The following KIF26B variants were observed in gnomAD, a reference collection of about 807,000 sequenced individuals.
KIF26B encodes the protein kinesin-like protein KIF26B.
In KIF26B, 63 loss-of-function variants were observed where a neutral mutation model predicts 151.2. That is an observed-to-expected ratio of 0.42 (90% CI 0.34 to 0.51). KIF26B has a LOEUF of 0.51. KIF26B is among the 20% of genes least tolerant of loss of function. KIF26B has a pLI of 0.07. For missense variants in KIF26B, 2,813 were observed against 2,913.6 expected, an observed-to-expected ratio of 0.97 and a Z score of 0.79; for synonymous variants, 1,357 against 1,262.1, an observed-to-expected ratio of 1.08 and a Z score of -1.59.
At chr1:245,662,479 C>CAT (rs1302429807) in intron 10 of KIF26B, among the ~76,000 whole-genome samples, 4,143 of 85,444 alleles carry the variant, frequency 0.048, 207 homozygotes, top group African/African-American at 0.16. Flanking sequence ...CATATATACA[C>CAT]ACACCCAATA....
chr1:245,687,834 T>C lies in KIF26B; in HGVS notation c.4851T>C (p.Ser1617=). 1 of 1,596,166 alleles carries C rather than the reference T, an allele frequency of 6.3e-7. No homozygotes were observed. The change falls in exon 12 of 15, where the codon AGT becomes AGC. Residue 1617 remains serine (S), a synonymous_variant. Coordinates refer to ENST00000407071, the MANE Select transcript of KIF26B (RefSeq NM_018012.4). The surrounding 1 kb of genome is among the most constrained non-coding windows in gnomAD (Gnocchi z 4.9). ...DQKNRASPQH[S]ASGSGTSSPL... is the part of the protein sequence containing the mutation. ...AGAACCGGGCCAGCCCTCAGCACAG[T>C]GCCAGCGGCAGCGGCACCAGCAGCC...
intron 10 of KIF26B, among the ~76,000 whole-genome samples, chr1:245,664,166 C>T (rs777473773): frequency 1.3e-5 from 2 of 151,802 alleles, no homozygotes; most frequent in South Asian, 2.1e-4. Flanking sequence ...GTCGGGAGTT[C>T]AAGACCAGCC....
intron 3 of KIF26B, among the ~76,000 whole-genome samples, chr1:245,374,708 G>T (rs559269904): frequency 6.6e-6 from 1 of 152,100 alleles, no homozygotes; most frequent in African/African-American, 2.4e-5. Context: ...GTTTATAGGC[G>T]GTCAAAGGGA....
chr1:245,701,410 CT>C (rs1397438509), intron 14 of KIF26B, among the ~76,000 whole-genome samples: 2 of 152,072 alleles, frequency 1.3e-5, no homozygotes, highest in Non-Finnish European at 2.9e-5. Context: ...TCTCCTTTTG[CT>C]TTTTTGTTTT....
intron 2 of KIF26B, among the ~76,000 whole-genome samples, chr1:245,212,207 A>C (rs778638429): frequency 5.9e-5 from 9 of 152,166 alleles, no homozygotes; most frequent in Non-Finnish European, 1.2e-4. Flanking sequence ...GCAATTTCCC[A>C]TAATTCCACT....
intron 2 of KIF26B, among the ~76,000 whole-genome samples, chr1:245,307,476 A>T (rs1671578574): frequency 6.6e-6 from 1 of 152,160 alleles, no homozygotes; most frequent in Non-Finnish European, 1.5e-5. Flanking sequence ...CATTTTCTCT[A>T]GAAATCTTTG....
chr1:245,568,298 T>G (rs991343237), intron 5 of KIF26B, among the ~76,000 whole-genome samples: 2 of 151,452 alleles, frequency 1.3e-5, no homozygotes, highest in African/African-American at 4.9e-5. Context: ...GCAGGATCAC[T>G]TGAGCTCAGG....
rs1409286612 is a variant in KIF26B at position 245,702,107 on chromosome 1, A to AATT, written c.6179-347_6179-345dup. ...GAGGGACTCTCCCCACCTCAACTTG[A>AATT]ATTATTTACTTGATTGATTGATAGT... On this transcript the variant is annotated intron_variant, in intron 14 of 14. Coordinates refer to ENST00000407071, the MANE Select transcript of KIF26B (RefSeq NM_018012.4). This position sits in a 1 kb window ranked among gnomAD's most constrained non-coding sequence, Gnocchi z 4.1. 6.3e-4 allele frequency among the ~76,000 whole-genome samples: 12 copies of AATT among 19,184 alleles called. No individual in the cohort carries two copies. The East Asian group carries it at 0.032, about 50-fold the overall frequency. The allele number at this position is 19,184 out of a possible 152,430, so 12.6% of individuals were successfully genotyped here.
intron 10 of KIF26B, among the ~76,000 whole-genome samples, chr1:245,647,436 A>AG (rs1204347500): frequency 2.7e-5 from 4 of 146,926 alleles, no homozygotes; most frequent in Non-Finnish European, 4.5e-5. Flanking sequence ...AAAAAAAAAA[A>AG]AAAAAAAGAA....
intron 2 of KIF26B, among the ~76,000 whole-genome samples, chr1:245,215,030 T>G (rs1669616899): frequency 6.6e-6 from 1 of 151,960 alleles, no homozygotes; most frequent in Admixed American, 6.6e-5. Context: ...ACGGGTAGGA[T>G]TATCTACTTT....
chr1:245,484,574 G>C (rs1466798611), intron 4 of KIF26B, among the ~76,000 whole-genome samples: 1 of 151,754 alleles, frequency 6.6e-6, no homozygotes, highest in African/African-American at 2.4e-5. Context: ...AACTGCTAAA[G>C]GAATTTTGCA....
At chr1:245,459,811 G>C (rs538992935) in intron 4 of KIF26B, among the ~76,000 whole-genome samples, 13 of 152,208 alleles carry the variant, frequency 8.5e-5, no homozygotes, top group South Asian at 2.1e-4. Flanking sequence ...GCACAGAAAA[G>C]GATGAAAGTC....
chr1:245,284,086 A>G (rs1671119781), intron 2 of KIF26B, among the ~76,000 whole-genome samples: 1 of 152,186 alleles, frequency 6.6e-6, no homozygotes, highest in African/African-American at 2.4e-5. Flanking sequence ...ACTGTGCTGA[A>G]TTTAGTATCA....
intron 2 of KIF26B, among the ~76,000 whole-genome samples, chr1:245,286,639 G>A (rs1256072748): frequency 2.0e-5 from 3 of 152,062 alleles, no homozygotes; most frequent in Non-Finnish European, 4.4e-5. Context: ...AAAACAATGG[G>A]ATACAAACTT....
intron 10 of KIF26B, among the ~76,000 whole-genome samples, chr1:245,664,455 T>A (rs2044191973): frequency 6.6e-6 from 1 of 151,916 alleles, no homozygotes; most frequent in African/African-American, 2.4e-5. Flanking sequence ...TTTTTTTTTC[T>A]CCTGTTACAC....
chr1:245,211,952 C>T (rs111309875), intron 2 of KIF26B, among the ~76,000 whole-genome samples: 3,455 of 152,236 alleles, frequency 0.023, 135 homozygotes, highest in African/African-American at 0.075. Context: ...TGCTCCTCAG[C>T]GGGGGCCTGG....
At chr1:245,470,576 A>T (rs374471085) in intron 4 of KIF26B, among the ~76,000 whole-genome samples, 1 of 151,808 alleles carries the variant, frequency 6.6e-6, no homozygotes, top group Non-Finnish European at 1.5e-5. Context: ...GACCACAGGC[A>T]CCCGCCACCA....
At chr1:245,459,063 A>G (rs1659597418) in intron 4 of KIF26B, among the ~76,000 whole-genome samples, 1 of 152,180 alleles carries the variant, frequency 6.6e-6, no homozygotes, top group Non-Finnish European at 1.5e-5. Context: ...CTTACTGCAG[A>G]CTTACTTCCC....
intron 2 of KIF26B, among the ~76,000 whole-genome samples, chr1:245,323,411 G>C (rs1452988822): frequency 2.7e-4 from 41 of 152,162 alleles, no homozygotes; most frequent in Non-Finnish European, 4.4e-5. Flanking sequence ...CTTCATTGTA[G>C]ACAAAGGTCA....
Sources: gnomAD v4.1 joint callset for allele counts (sites outside exome capture counted in the v4.1 genomes callset) on GRCh38, gnomAD v4.1.1 for gene constraint, Gnocchi (gnomAD v3.1) non-coding constraint, MANE v1.5 for transcripts, NCBI Gene and HGNC (gene_info 2026-07-23, HGNC 2026-07-21) for gene names.